DNAAF3: variants seen among roughly 807,000 people sequenced by gnomAD.
DNAAF3 encodes the protein dynein axonemal assembly factor 3.
DNAAF3 carries 40 observed loss-of-function variants against 50.9 expected under a neutral mutation model. The observed-to-expected ratio is 0.79, with a 90% CI of 0.61 to 1.02. The LOEUF is 1.02. DNAAF3 is among the 50% of genes least tolerant of loss of function. The pLI, the probability that DNAAF3 is intolerant of heterozygous loss-of-function variation, is 0.00. For missense variants in DNAAF3, 763 were observed against 744.7 expected, an observed-to-expected ratio of 1.02 and a Z score of -0.29; for synonymous variants, 327 against 322.8, an observed-to-expected ratio of 1.01 and a Z score of -0.14.
At position 55,161,784 on chromosome 19, in the gene DNAAF3, C is replaced by G. The variant is rs1286230116; in HGVS notation, c.522G>C (p.Trp174Cys). ...RDALEAVFRF[W>C]AGGEKGPQAF... ...CCTGGGGCCCTTTCTCGCCGCCAGC[C>G]CAGAAGCGGAATACGGCCTCCAGGG... Residue 174 changes from tryptophan (W) to cysteine (C), a missense_variant, in exon 6 of 12, where the codon TGG (tryptophan) becomes TGC (cysteine). By Grantham distance (215) the Trp-to-Cys change is radical. Coordinates refer to ENST00000524407, the MANE Select transcript of DNAAF3 (RefSeq NM_001256715.2). The surrounding 1 kb of genome is among the most constrained non-coding windows in gnomAD (Gnocchi z 6.4). The G allele has an allele frequency of 6.7e-7, 1 of 1,494,202 alleles. No homozygotes were observed. The highest frequency in any genetic ancestry group is 1.4e-5 in the African/African-American group (1 of 71,286). The allele number at this position is 1,494,202 out of a possible 1,614,324, so 92.6% of individuals were successfully genotyped here. A position where few individuals can be genotyped will look rare whatever the true frequency, so the allele number is the denominator to read the frequency against.
Position 55,158,688 on chromosome 19 carries a change from G to C in DNAAF3, c.*374C>G, listed in dbSNP as rs886054637. The C allele has an allele frequency of 2.1e-5, 4 of 188,304 alleles. No individual in the cohort carries two copies. The highest frequency in any genetic ancestry group is 4.4e-5 in the Non-Finnish European group (4 of 90,042). The allele number at this position is 188,304 out of a possible 1,614,324, so 11.7% of individuals were successfully genotyped here. On this transcript the variant is annotated 3_prime_UTR_variant, in exon 12 of 12. Coordinates refer to ENST00000524407, the MANE Select transcript of DNAAF3 (RefSeq NM_001256715.2). The stretch of plus-strand genomic sequence containing the variant: ...AGGGTGGACACAACTTGCTTTACTT[G>C]AACCATCTGGGTGCTGACCAGGCCC...
rs1215112070 is a variant in DNAAF3 at position 55,160,626 on chromosome 19, TGTCCCTGGCTTACCTGGA to T, written c.1044_1048+13del. The T allele has an allele frequency of 5.4e-6, 8 of 1,468,170 alleles. No homozygotes were observed. In the East Asian group the frequency reaches 1.2e-4, roughly 21 times the overall value. 90.9% of individuals were successfully genotyped at this position (1,468,170 alleles called of 1,614,324 possible). A position where few individuals can be genotyped will look rare whatever the true frequency, so the allele number is the denominator to read the frequency against. On this transcript the variant is annotated splice_donor_variant and splice_donor_5th_base_variant and coding_sequence_variant and intron_variant, in exon 9 of 12. Coordinates refer to ENST00000524407, the MANE Select transcript of DNAAF3 (RefSeq NM_001256715.2). LOFTEE classifies it high-confidence loss of function. This position sits in a 1 kb window ranked among gnomAD's most constrained non-coding sequence, Gnocchi z 4.7. Reference sequence around the variant, plus strand: ...CTGGAGTCCCTGGCTTACCTGTTGTTGTCCCTGGCTTACCTGGAGTCCCTGGCTCCGGGCTTCCCTCCG... The same window carrying T: ...CTGGAGTCCCTGGCTTACCTGTTGTTGTCCCTGGCTCCGGGCTTCCCTCCG...
Position 55,159,926 on chromosome 19 carries a change from C to A in DNAAF3, c.1136G>T (p.Arg379Leu), listed in dbSNP as rs1471225847. ...ACAGGCCACATAGAGGAGCTGGAAT[C>A]GGCCGTTGTAGCAGCTCTTGTGGTG... ...TLHHKSCYNG[R>L]FQLLYVACGM... is the part of the protein sequence containing the mutation. Residue 379 changes from arginine (R) to leucine (L), a missense_variant, in exon 10 of 12, where the codon CGA (arginine) becomes CTA (leucine). Physicochemically the swap from Arg to Leu is moderately radical, Grantham distance 102. Transcript: ENST00000524407. The A allele has an allele frequency of 3.1e-6, 5 of 1,612,442 alleles. No individual in the cohort carries two copies. Among genetic ancestry groups the A allele is most frequent in the Non-Finnish European group, 4.2e-6 (5 of 1,179,330 alleles).
chr19:55,161,471 AC>A lies in DNAAF3; in HGVS notation c.664-54del. On this transcript the variant is annotated intron_variant, in intron 6 of 11. Coordinates refer to ENST00000524407, the MANE Select transcript of DNAAF3 (RefSeq NM_001256715.2). The surrounding 1 kb of genome is among the most constrained non-coding windows in gnomAD (Gnocchi z 6.4). ...CCCTCAGTGAACCGAGCGTGGAGAG[AC>A]CCCTACACCAGCCTCCCTCAGACCC... The A allele has an allele frequency of 6.5e-7, 1 of 1,544,632 alleles. No individual in the cohort carries two copies. Among genetic ancestry groups the A allele is most frequent in the Non-Finnish European group, 8.7e-7 (1 of 1,146,652 alleles).
chr19:55,162,473 G>C, intron 4 of DNAAF3, 183 bp from the exon 5 acceptor site: 3 of 862,766 alleles, frequency 3.5e-6, no homozygotes, highest in Non-Finnish European at 4.6e-6. Context: ...TGTAATCCCA[G>C]TTACTCGGGA....
chr19:55,161,323 C>T lies in DNAAF3; in HGVS notation c.759G>A (p.Arg253=). 1 of 1,611,314 alleles carries T rather than the reference C, an allele frequency of 6.2e-7. No homozygotes were observed. Among genetic ancestry groups the T allele is most frequent in the South Asian group, 1.1e-5 (1 of 90,866 alleles). Residue 253 remains arginine (R), a synonymous_variant, in exon 7 of 12, where the codon CGG becomes CGA. Coordinates refer to ENST00000524407, the MANE Select transcript of DNAAF3 (RefSeq NM_001256715.2). This position sits in a 1 kb window ranked among gnomAD's most constrained non-coding sequence, Gnocchi z 6.4. ...RDSSAYHVPN[R]TLASGRLLSY... ...TCAGGAGGCGACCGGACGCCAGGGT[C>T]CGGTTGGGCACATGATAGGCGCTGG...
chr19:55,160,911 G>T lies in DNAAF3; in HGVS notation c.913-136C>A, dbSNP rs2085814630. 6.9e-7 allele frequency: 1 copy of T among 1,450,036 alleles called. No individual in the cohort carries two copies. The highest frequency in any genetic ancestry group is 2.6e-5 in the Admixed American group (1 of 38,368). 89.8% of individuals were successfully genotyped at this position (1,450,036 alleles called of 1,614,324 possible). A position where few individuals can be genotyped will look rare whatever the true frequency, so the allele number is the denominator to read the frequency against. On this transcript the variant is annotated intron_variant, in intron 8 of 11. Transcript: ENST00000524407. The surrounding 1 kb of genome is among the most constrained non-coding windows in gnomAD (Gnocchi z 4.7). ...TGTGAAGTGGGGCGGGACCTATCCC[G>T]CGGGGATGGGGCCTGTTCTCTGAAT... is the stretch of plus-strand genomic sequence containing the variant.
rs2147289553 is a variant in DNAAF3 at position 55,159,047 on chromosome 19, T to G, written c.*15A>C. On this transcript the variant is annotated 3_prime_UTR_variant, in exon 12 of 12. Coordinates refer to ENST00000524407, the MANE Select transcript of DNAAF3 (RefSeq NM_001256715.2). Reference sequence around the variant, plus strand: ...GACTTTGGAAGTTGGAGATAAGGGGTGTCTAGGGGTTGGGTCAGACTCCAG... The same window carrying G: ...GACTTTGGAAGTTGGAGATAAGGGGGGTCTAGGGGTTGGGTCAGACTCCAG... 6.4e-7 allele frequency: 1 copy of G among 1,553,058 alleles called. No individual in the cohort carries two copies. The highest frequency in any genetic ancestry group is 8.7e-7 in the Non-Finnish European group (1 of 1,150,842).
At position 55,159,565 on chromosome 19, in the gene DNAAF3, T is replaced by A. The variant is rs1011268850; in HGVS notation, c.1206A>T (p.Ala402=). ...LLIPELGACV[A]PGGNLIVELA... The stretch of plus-strand genomic sequence containing the variant: ...ATTCCACAATCAAGTTCCCTCCGGG[T>A]GCCACACAGGCCCCAAGCTCAGGGA... Residue 402 remains alanine, a synonymous_variant, in exon 11 of 12, where the codon GCA becomes GCT. Transcript: ENST00000524407. 1.1e-5 allele frequency: 17 copies of A among 1,605,474 alleles called. No individual in the cohort carries two copies. Among genetic ancestry groups the A allele is most frequent in the Non-Finnish European group, 1.4e-5 (16 of 1,175,712 alleles).
At position 55,161,742 on chromosome 19, in the gene DNAAF3, G is replaced by C; in HGVS notation, c.564C>G (p.Arg188=). 2 of 1,538,346 alleles carry C rather than the reference G, an allele frequency of 1.3e-6. No homozygotes were observed. ...AGTGGCGCAGGCGCGAGTCCCAGAGGCGGCTCATGGGGAACGCCTGGGGCC... is the reference window on the plus strand; with the variant it reads ...AGTGGCGCAGGCGCGAGTCCCAGAGCCGGCTCATGGGGAACGCCTGGGGCC... ...EKGPQAFPMS[R]LWDSRLRHYL... The change falls in exon 6 of 12, where the codon CGC becomes CGG. Residue 188 remains arginine (R), a synonymous_variant. Coordinates refer to ENST00000524407, the MANE Select transcript of DNAAF3 (RefSeq NM_001256715.2). The surrounding 1 kb of genome is among the most constrained non-coding windows in gnomAD (Gnocchi z 6.4).
Position 55,160,294 on chromosome 19 carries a change from TCAGA to T in DNAAF3, c.1049-285_1049-282del, listed in dbSNP as rs2085798750. Among the ~76,000 whole-genome samples the T allele has an allele frequency of 6.6e-6, 1 of 151,952 alleles. No homozygotes were observed. Among genetic ancestry groups the T allele is most frequent in the Non-Finnish European group, 1.5e-5 (1 of 67,978 alleles). On this transcript the variant is annotated intron_variant, in intron 9 of 11. Transcript: ENST00000524407. This position sits in a 1 kb window ranked among gnomAD's most constrained non-coding sequence, Gnocchi z 4.7. ...CCAGGGCCACATGTGACATGCCCTG[TCAGA>T]CAGACACGCAGGGAGGGCCAGGTTG...
chr19:55,161,983 C>G lies in DNAAF3; in HGVS notation c.480+150G>C. The stretch of plus-strand genomic sequence containing the variant: ...CTCCGAAAGCAGAAGCCACCTCCTG[C>G]CCCCAGGCCAAATCCCACAGTGGGA... On this transcript the variant is annotated intron_variant, in intron 5 of 11. Coordinates refer to ENST00000524407, the MANE Select transcript of DNAAF3 (RefSeq NM_001256715.2). This position sits in a 1 kb window ranked among gnomAD's most constrained non-coding sequence, Gnocchi z 6.4. The G allele has an allele frequency of 7.4e-7, 1 of 1,344,930 alleles. No individual in the cohort carries two copies. The highest frequency in any genetic ancestry group is 9.6e-7 in the Non-Finnish European group (1 of 1,045,532). The allele number at this position is 1,344,930 out of a possible 1,614,324, so 83.3% of individuals were successfully genotyped here. A position where few individuals can be genotyped will look rare whatever the true frequency, so the allele number is the denominator to read the frequency against.
At position 55,166,200 on chromosome 19, in the gene DNAAF3, C is replaced by A; in HGVS notation, c.85+129G>T. ...GGGGCTGCCCCTGGGAGCGCGCCCT[C>A]TGCCGCTGGAGCGTTGGAGAACGTT... is the stretch of plus-strand genomic sequence containing the variant. On this transcript the variant is annotated intron_variant, in intron 2 of 11. Transcript: ENST00000524407. The surrounding 1 kb of genome is among the most constrained non-coding windows in gnomAD (Gnocchi z 4.0). The A allele has an allele frequency of 6.5e-7, 1 of 1,548,266 alleles. No individual in the cohort carries two copies.
Position 55,166,156 on chromosome 19 carries a change from A to G in DNAAF3, c.86-156T>C. The G allele has an allele frequency of 1.3e-6, 2 of 1,552,046 alleles. No individual in the cohort carries two copies. Among genetic ancestry groups the G allele is most frequent in the Non-Finnish European group, 1.7e-6 (2 of 1,149,320 alleles). ...TTCCTCTGAGTATTCTGGGATTCGC[A>G]GTCCGCAGACAGGACCTCGGGGCTG... On this transcript the variant is annotated intron_variant, in intron 2 of 11. Transcript: ENST00000524407. This position sits in a 1 kb window ranked among gnomAD's most constrained non-coding sequence, Gnocchi z 4.0.
At position 55,165,885 on chromosome 19, in the gene DNAAF3, C is replaced by G. The variant is rs374768349; in HGVS notation, c.201G>C (p.Ala67=). ...TGAACCTCCTGCGAGGCCAGAACTTCGCTCGGGACAGGGTCCGCAGCAGGT... is the reference window on the plus strand; with the variant it reads ...TGAACCTCCTGCGAGGCCAGAACTTGGCTCGGGACAGGGTCCGCAGCAGGT... ...GRHLLRTLSR[A]KFWPRRRFNF... Residue 67 remains alanine, a synonymous_variant, in exon 3 of 12, where the codon GCG becomes GCC. Coordinates refer to ENST00000524407, the MANE Select transcript of DNAAF3 (RefSeq NM_001256715.2). 2 of 1,614,046 alleles carry G rather than the reference C, an allele frequency of 1.2e-6. No homozygotes were observed. Among genetic ancestry groups the G allele is most frequent in the Admixed American group, 1.7e-5 (1 of 59,998 alleles).
chr19:55,166,096 G>A lies in DNAAF3; in HGVS notation c.86-96C>T, dbSNP rs767126987. On this transcript the variant is annotated intron_variant, in intron 2 of 11. Coordinates refer to ENST00000524407, the MANE Select transcript of DNAAF3 (RefSeq NM_001256715.2). This position sits in a 1 kb window ranked among gnomAD's most constrained non-coding sequence, Gnocchi z 4.0. ...AAATGGACTACAAATCCCAGTAGGCGTTCCGCCCGTGGCCTAGGTTCTAAG... is the reference window on the plus strand; with the variant it reads ...AAATGGACTACAAATCCCAGTAGGCATTCCGCCCGTGGCCTAGGTTCTAAG... 23 of 1,599,210 alleles carry A rather than the reference G, an allele frequency of 1.4e-5. No homozygotes were observed. The East Asian group carries it at 5.2e-4, about 36-fold the overall frequency.
chr19:55,163,007 T>C (rs1250745616), intron 4 of DNAAF3, among the ~76,000 whole-genome samples: 5 of 76,920 alleles, frequency 6.5e-5, no homozygotes, highest in African/African-American at 3.8e-4. Flanking sequence ...CTTTTTTTTT[T>C]TTTTTTTTTT....
In DNAAF3 at chr19:55,161,752, G is replaced by A; in HGVS notation, c.554C>T (p.Pro185Leu). Residue 185 changes from proline to leucine, a missense_variant, in exon 6 of 12, where the codon CCC (proline) becomes CTC (leucine). Coordinates refer to ENST00000524407, the MANE Select transcript of DNAAF3 (RefSeq NM_001256715.2). This position sits in a 1 kb window ranked among gnomAD's most constrained non-coding sequence, Gnocchi z 6.4. ...AGGEKGPQAFPMSRLWDSRLR... is the reference protein window; with the variant it reads ...AGGEKGPQAFLMSRLWDSRLR... ...GCGCGAGTCCCAGAGGCGGCTCATG[G>A]GGAACGCCTGGGGCCCTTTCTCGCC... 6.5e-7 allele frequency: 1 copy of A among 1,532,652 alleles called. No individual in the cohort carries two copies. The highest frequency in any genetic ancestry group is 2.0e-5 in the Admixed American group (1 of 49,702). The allele number at this position is 1,532,652 out of a possible 1,614,324, so 94.9% of individuals were successfully genotyped here.
At chr19:55,159,733 G>A in intron 10 of DNAAF3, 126 bp from the exon 11 acceptor site, 1 of 1,571,638 alleles carries the variant, frequency 6.4e-7, no homozygotes, top group South Asian at 1.2e-5. Context: ...GGGGAAAGAA[G>A]GGAGCAGGAG....
Sources: allele counts gnomAD v4.1 joint callset (sites outside exome capture counted in the v4.1 genomes callset), GRCh38; gene constraint gnomAD v4.1.1; non-coding constraint Gnocchi (gnomAD v3.1); transcripts MANE v1.5; gene names NCBI Gene and HGNC (gene_info 2026-07-23, HGNC 2026-07-21).